UMAD1: variants seen among roughly 807,000 people sequenced by gnomAD.
UMAD1 encodes UBAP1-MVB12-associated (UMA) domain containing 1.
In UMAD1, 8 loss-of-function variants were observed where a neutral mutation model predicts 6.1. The ratio of observed to expected loss-of-function variants is 1.30; its 90% CI spans 0.76 to 2.35. The LOEUF (loss-of-function observed/expected upper bound fraction) is 2.35. Among genes scored for constraint, UMAD1 ranks in the 30% most tolerant of loss-of-function variants. The pLI, the probability that UMAD1 is intolerant of heterozygous loss-of-function variation, is 0.00. For missense variants in UMAD1, 130 were observed against 78.4 expected (o/e 1.66, Z -2.49); for synonymous variants, 56 against 31.4 (o/e 1.78, Z -2.61).
intron 1 of UMAD1, among the ~76,000 whole-genome samples, chr7:7,662,826 T>C (rs183117021): frequency 2.4e-3 from 359 of 152,308 alleles, no homozygotes; most frequent in African/African-American, 8.5e-3. Context: ...TAAAATGTTG[T>C]GGTGTTTAGA....
Position 7,847,100 on chromosome 7 carries a change from AAAAAATATATATATATATAT to A in UMAD1, c.157-30179_157-30160del, listed in dbSNP as rs1182143626. 1.5e-3 allele frequency among the ~76,000 whole-genome samples: 58 copies of A among 38,442 alleles called. 4 individuals carry two copies. Among genetic ancestry groups the A allele is most frequent in the African/African-American group, 7.9e-3 (43 of 5,476 alleles). 25.2% of individuals were successfully genotyped at this position (38,442 alleles called of 152,430 possible). ...AAGACAGCAATGCAAAAAAAAAAAA[AAAAAATATATATATATATAT>A]ATATATATATATATATATATATATA... On this transcript the variant is annotated intron_variant, in intron 3 of 3. Transcript: ENST00000682710.
chr7:7,791,191 G>A (rs931160521), intron 2 of UMAD1, among the ~76,000 whole-genome samples: 1 of 152,206 alleles, frequency 6.6e-6, no homozygotes, highest in African/African-American at 2.4e-5. Context: ...CCCAGCTGGA[G>A]CATATTTTAT....
At chr7:7,739,218 G>C (rs1234690533) in intron 2 of UMAD1, among the ~76,000 whole-genome samples, 1 of 152,146 alleles carries the variant, frequency 6.6e-6, no homozygotes, top group African/African-American at 2.4e-5. Flanking sequence ...ATGAGTACAC[G>C]TAAATACTTA....
intron 3 of UMAD1, among the ~76,000 whole-genome samples, chr7:7,849,451 C>A (rs1210157787): frequency 6.6e-6 from 1 of 152,036 alleles, no homozygotes. Context: ...AGAAGTTTAC[C>A]CAGTGTAAAG....
chr7:7,774,539 G>T (rs2115245832), intron 2 of UMAD1, among the ~76,000 whole-genome samples: 1 of 152,326 alleles, frequency 6.6e-6, no homozygotes, highest in Middle Eastern at 3.4e-3. Context: ...TGAAAGTGTT[G>T]TGAGGTAGTA....
At chr7:7,647,072 T>C (rs1303632738) in intron 1 of UMAD1, among the ~76,000 whole-genome samples, 1 of 152,212 alleles carries the variant, frequency 6.6e-6, no homozygotes, top group Non-Finnish European at 1.5e-5. Flanking sequence ...TCCAAGATTG[T>C]ACATAAAACT....
chr7:7,684,233 C>T (rs1367142276), intron 2 of UMAD1, among the ~76,000 whole-genome samples: 1 of 151,020 alleles, frequency 6.6e-6, no homozygotes, highest in East Asian at 1.9e-4. Context: ...GACAGTGTCT[C>T]ACTCCATCAC....
intron 3 of UMAD1, among the ~76,000 whole-genome samples, chr7:7,835,461 A>C (rs1437807323): frequency 4.9e-4 from 20 of 40,996 alleles, no homozygotes; most frequent in African/African-American, 1.3e-3. Context: ...TTGAAACAGC[A>C]CTTTTTTTTT....
At chr7:7,652,852 G>T (rs886724) in intron 1 of UMAD1, among the ~76,000 whole-genome samples, 52,402 of 152,126 alleles carry the variant, frequency 0.34, 10,015 homozygotes, top group East Asian at 0.8. Flanking sequence ...ATAATTTTTA[G>T]TTGGCAGTTT....
intron 2 of UMAD1, among the ~76,000 whole-genome samples, chr7:7,764,996 T>C (rs2115235845): frequency 6.6e-6 from 1 of 150,506 alleles, no homozygotes; most frequent in African/African-American, 2.5e-5. Context: ...CTATTCTTAA[T>C]ATCATTCTTT....
chr7:7,669,131 G>T (rs1000060916), intron 1 of UMAD1, among the ~76,000 whole-genome samples: 1 of 152,014 alleles, frequency 6.6e-6, no homozygotes, highest in Non-Finnish European at 1.5e-5. Flanking sequence ...ACATTACTTG[G>T]GGGAACCTTT....
intron 2 of UMAD1, among the ~76,000 whole-genome samples, chr7:7,752,316 CAT>C (rs910459819): frequency 2.3e-4 from 35 of 152,178 alleles, no homozygotes; most frequent in Non-Finnish European, 3.8e-4. Context: ...AAGAGTGAAT[CAT>C]ATGAATACAC....
intron 3 of UMAD1, among the ~76,000 whole-genome samples, chr7:7,840,655 C>T (rs1353458503): frequency 6.6e-6 from 1 of 152,032 alleles, no homozygotes; most frequent in African/African-American, 2.4e-5. Context: ...AATGGTAGCT[C>T]TTTTTATTTT....
intron 3 of UMAD1, among the ~76,000 whole-genome samples, chr7:7,811,155 TG>T (rs1783014774): frequency 6.6e-6 from 1 of 152,332 alleles, no homozygotes; most frequent in East Asian, 1.9e-4. Context: ...TTATCTATGA[TG>T]CTGAGACTCC....
chr7:7,701,012 T>C (rs1780448434), intron 2 of UMAD1, among the ~76,000 whole-genome samples: 2 of 152,200 alleles, frequency 1.3e-5, no homozygotes, highest in African/African-American at 2.4e-5. Flanking sequence ...ATCACGGTAC[T>C]ACACTCCAGC....
intron 3 of UMAD1, among the ~76,000 whole-genome samples, chr7:7,829,173 A>G (rs1309664138): frequency 6.6e-6 from 1 of 152,198 alleles, no homozygotes; most frequent in Non-Finnish European, 1.5e-5. Flanking sequence ...GCAATTTTTC[A>G]TAACAACAAA....
intron 2 of UMAD1, among the ~76,000 whole-genome samples, chr7:7,682,057 G>A (rs1284291685): frequency 6.6e-6 from 1 of 152,116 alleles, no homozygotes; most frequent in Non-Finnish European, 1.5e-5. Flanking sequence ...TTTGAAGCAG[G>A]CAGAATGAAA....
chr7:7,728,010 A>G (rs1017933587), intron 2 of UMAD1, among the ~76,000 whole-genome samples: 1 of 152,086 alleles, frequency 6.6e-6, no homozygotes, highest in East Asian at 1.9e-4. Context: ...CCTCTAGAGA[A>G]CCCTGACTAA....
At chr7:7,698,870 C>G (rs891117413) in intron 2 of UMAD1, among the ~76,000 whole-genome samples, 9 of 131,956 alleles carry the variant, frequency 6.8e-5, no homozygotes, top group Admixed American at 2.3e-4. Context: ...ACCCTCTTGT[C>G]TTTTTTTTTT....
Sources: allele counts gnomAD v4.1 joint callset (sites outside exome capture counted in the v4.1 genomes callset), GRCh38; gene constraint gnomAD v4.1.1; transcripts MANE v1.5; gene names NCBI Gene and HGNC (gene_info 2026-07-23, HGNC 2026-07-21).